Variants in ARMC2 observed in about 807,000 individuals in gnomAD.
ARMC2 encodes armadillo repeat-containing protein 2.
A neutral mutation model predicts 90.3 loss-of-function variants in ARMC2; 67 were observed. That is an observed-to-expected ratio of 0.74 (90% CI 0.61 to 0.91). The LOEUF is 0.91. Ranked by LOEUF, ARMC2 falls within the 40% of genes least tolerant of loss-of-function variation. The probability of loss-of-function intolerance (pLI) is 0.00; values close to 1 mark genes in which losing one functional copy is unlikely to be tolerated. For synonymous variants in ARMC2, 393 were observed against 393.0 expected (o/e 1.00, Z 0.00); for missense variants, 920 against 1,030.9 (o/e 0.89, Z 1.47).
intron 10 of ARMC2, among the ~76,000 whole-genome samples, chr6:108,920,419 G>A (rs1774440891): frequency 6.6e-6 from 1 of 152,138 alleles, no homozygotes; most frequent in Non-Finnish European, 1.5e-5. Context: ...TCCTATAAAA[G>A]AATTGCCAGC....
chr6:109,009,323 G>A, the ARMC2 span: 3 of 1,456,640 alleles, frequency 2.1e-6, no homozygotes, highest in South Asian at 1.3e-5. Context: ...ACCCGCCCAG[G>A]TACCCAGCGG....
the ARMC2 span, among the ~76,000 whole-genome samples, chr6:108,980,887 C>CA: frequency 3.9e-5 from 6 of 151,938 alleles, no homozygotes; most frequent in Admixed American, 6.6e-5. Flanking sequence ...AAGACTGTCT[C>CA]AAAAAAACAA....
chr6:108,880,756 C>T (rs1014204822), intron 5 of ARMC2, among the ~76,000 whole-genome samples: 2 of 116,748 alleles, frequency 1.7e-5, no homozygotes, highest in South Asian at 6.9e-4. Context: ...TCCTTCCTTC[C>T]CCCTTTCCGT....
At chr6:108,903,995 A>G (rs1562371502) in intron 7 of ARMC2, among the ~76,000 whole-genome samples, 1 of 152,224 alleles carries the variant, frequency 6.6e-6, no homozygotes, top group Non-Finnish European at 1.5e-5. Context: ...AAGACTGTGT[A>G]TTCTAGATAA....
the ARMC2 span, among the ~76,000 whole-genome samples, chr6:109,033,168 T>C: frequency 6.6e-6 from 1 of 152,106 alleles, no homozygotes; most frequent in African/African-American, 2.4e-5. Context: ...ACTTCTAGGA[T>C]AGTCTGAGTT....
At chr6:108,877,616 GC>G in intron 5 of ARMC2, among the ~76,000 whole-genome samples, 1 of 152,280 alleles carries the variant, frequency 6.6e-6, no homozygotes, top group South Asian at 2.1e-4. Context: ...ATAAAAGGCA[GC>G]AGGAAAACTT....
intron 2 of ARMC2, among the ~76,000 whole-genome samples, chr6:108,854,914 C>T (rs769945507): frequency 6.6e-6 from 1 of 152,196 alleles, no homozygotes; most frequent in Non-Finnish European, 1.5e-5. Context: ...CCCTCATCCC[C>T]TAGCAACCAC....
At chr6:109,019,392 CTTATT>C in the ARMC2 span, among the ~76,000 whole-genome samples, 5 of 152,306 alleles carry the variant, frequency 3.3e-5, no homozygotes, top group East Asian at 9.6e-4. Flanking sequence ...AGTTCAAAGT[CTTATT>C]CTCATTAATG....
intron 5 of ARMC2, among the ~76,000 whole-genome samples, chr6:108,891,595 A>G (rs2478996): frequency 0.78 from 118,990 of 152,020 alleles, 46,828 homozygotes; most frequent in South Asian, 0.86. Context: ...TTTTTGATGG[A>G]ATTTTTTTTT....
chr6:108,900,894 A>G (rs143742430), intron 7 of ARMC2, among the ~76,000 whole-genome samples: 168 of 152,098 alleles, frequency 1.1e-3, no homozygotes, highest in African/African-American at 4.0e-3. Context: ...TCCCCTCTAG[A>G]GTTACTATGT....
chr6:108,966,643 CA>C (rs1778394496), intron 17 of ARMC2, among the ~76,000 whole-genome samples: 1 of 151,526 alleles, frequency 6.6e-6, no homozygotes. Context: ...TTTTTTTAAT[CA>C]TTGAGGTTCA....
chr6:108,872,436 G>T (rs1327471), intron 4 of ARMC2, among the ~76,000 whole-genome samples: 1 of 151,938 alleles, frequency 6.6e-6, no homozygotes, highest in Non-Finnish European at 1.5e-5. Context: ...ACTAGCTCTC[G>T]AGTCTGCATT....
intron 10 of ARMC2, among the ~76,000 whole-genome samples, chr6:108,927,489 AT>A (rs1362745431): frequency 6.6e-6 from 1 of 152,172 alleles, no homozygotes; most frequent in Non-Finnish European, 1.5e-5. Context: ...TAGTTTTATG[AT>A]TTACTAAACT....
intron 4 of ARMC2, among the ~76,000 whole-genome samples, chr6:108,873,711 T>C (rs1460211238): frequency 1.3e-5 from 2 of 152,156 alleles, no homozygotes; most frequent in Admixed American, 6.5e-5. Context: ...CTCCAGACTT[T>C]TGTTCTCTTT....
intron 3 of ARMC2, among the ~76,000 whole-genome samples, chr6:108,868,304 A>G (rs1422302575): frequency 1.3e-5 from 2 of 151,826 alleles, no homozygotes; most frequent in African/African-American, 4.8e-5. Flanking sequence ...GCAACCTCCA[A>G]CTCCTGGGTT....
chr6:108,901,821 C>T (rs1772191275), intron 7 of ARMC2, among the ~76,000 whole-genome samples: 1 of 152,186 alleles, frequency 6.6e-6, no homozygotes, highest in African/African-American at 2.4e-5. Context: ...CCAATAATTT[C>T]CTTTGTAGAA....
At chr6:108,932,193 G>T (rs935743569) in intron 11 of ARMC2, among the ~76,000 whole-genome samples, 6 of 151,908 alleles carry the variant, frequency 3.9e-5, no homozygotes, top group African/African-American at 1.5e-4. Context: ...TAGGTTGTCT[G>T]TTTACTCTGT....
chr6:109,007,244 C>T, the ARMC2 span, among the ~76,000 whole-genome samples: 1 of 152,162 alleles, frequency 6.6e-6, no homozygotes, highest in Non-Finnish European at 1.5e-5. Flanking sequence ...TATTGTATCA[C>T]TGTATGAATC....
the ARMC2 span, among the ~76,000 whole-genome samples, chr6:109,022,679 G>T: frequency 6.6e-6 from 1 of 151,910 alleles, no homozygotes; most frequent in Non-Finnish European, 1.5e-5. Context: ...CTCCCAAAGT[G>T]CTGGGATTAC....
Sources: allele counts gnomAD v4.1 joint callset (sites outside exome capture counted in the v4.1 genomes callset), GRCh38; gene constraint gnomAD v4.1.1; transcripts MANE v1.5; gene names NCBI Gene and HGNC (gene_info 2026-07-23, HGNC 2026-07-21).